The following SLC9B2 variants were observed in gnomAD, a reference collection of about 807,000 sequenced individuals.
SLC9B2 encodes the protein sodium/hydrogen exchanger 9B2.
A neutral mutation model predicts 52.2 loss-of-function variants in SLC9B2; 39 were observed. That is an observed-to-expected ratio of 0.75 (90% confidence interval 0.58 to 0.98). The LOEUF is 0.98. Among genes scored for constraint, SLC9B2 ranks in the 50% least tolerant of loss-of-function variants. The pLI, the probability that SLC9B2 is intolerant of heterozygous loss-of-function variation, is 0.00. For synonymous variants in SLC9B2, 214 were observed against 227.0 expected, an observed-to-expected ratio of 0.94 and a Z score of 0.51; for missense variants, 626 against 637.5, an observed-to-expected ratio of 0.98 and a Z score of 0.19.
chr4:103,020,359 C>A (rs781780808), downstream of SLC9B2: 5 of 446,862 alleles, frequency 1.1e-5, no homozygotes, highest in South Asian at 4.8e-5. Flanking sequence ...CCTTTCAGTC[C>A]CAAAGTTTCC....
At chr4:103,075,585 G>A (rs1051318412) in intron 1 of SLC9B2, among the ~76,000 whole-genome samples, 1 of 152,208 alleles carries the variant, frequency 6.6e-6, no homozygotes, top group Non-Finnish European at 1.5e-5. Flanking sequence ...TGTGGCATGT[G>A]ACTGAAGTCT....
chr4:103,045,853 G>T (rs530656778), intron 7 of SLC9B2, among the ~76,000 whole-genome samples: 1 of 152,032 alleles, frequency 6.6e-6, no homozygotes, highest in Non-Finnish European at 1.5e-5. Flanking sequence ...TTTAAAAATC[G>T]CCCAGGTAAT....
chr4:103,071,127 T>G (rs1746581907), intron 1 of SLC9B2, among the ~76,000 whole-genome samples: 1 of 151,962 alleles, frequency 6.6e-6, no homozygotes, highest in Non-Finnish European at 1.5e-5. Context: ...GGCTGGACTT[T>G]CTTTCTTATT....
chr4:103,070,748 C>T (rs185604670), intron 1 of SLC9B2, among the ~76,000 whole-genome samples: 80 of 152,154 alleles, frequency 5.3e-4, no homozygotes, highest in African/African-American at 1.5e-3. Flanking sequence ...GCCCTTATTT[C>T]GAAAACAATT....
chr4:103,029,029 TA>T, intron 10 of SLC9B2, 146 bp from the exon 11 acceptor site: 2 of 700,488 alleles, frequency 2.9e-6, no homozygotes, highest in Non-Finnish European at 4.4e-6. Context: ...GAAGAATATA[TA>T]AAAACAATCA....
chr4:103,043,368 A>T lies in SLC9B2; in HGVS notation c.1074T>A (p.Gly358=). The change falls in exon 9 of 12, where the codon GGT becomes GGA. Residue 358 remains glycine, a synonymous_variant. Coordinates refer to ENST00000394785, the MANE Select transcript of SLC9B2 (RefSeq NM_178833.7). ...TGCACAGTCCTCCTGATCCAGGGAAACCAAAATGCACACTGCTGAACACAG... is the reference window on the plus strand; with the variant it reads ...TGCACAGTCCTCCTGATCCAGGGAATCCAAAATGCACACTGCTGAACACAG... ...VLAVFSSVHF[G]FPGSGGLCTL... The T allele has an allele frequency of 6.2e-7, 1 of 1,613,898 alleles. No individual in the cohort carries two copies.
intron 9 of SLC9B2, 107 bp from the exon 10 acceptor site, chr4:103,031,915 T>C: frequency 9.2e-7 from 1 of 1,081,894 alleles, no homozygotes; most frequent in Non-Finnish European, 1.4e-6. Flanking sequence ...TAAGCTTTAT[T>C]TCTGTGCCAT....
Position 103,028,734 on chromosome 4 carries a change from C to T in SLC9B2, c.1392+13G>A, listed in dbSNP as rs1051093697. The T allele has an allele frequency of 3.8e-6, 6 of 1,597,948 alleles. No homozygotes were observed. Among genetic ancestry groups the T allele is most frequent in the Non-Finnish European group, 2.6e-6 (3 of 1,174,938 alleles). ...ATAGCAGTTAAAATGCTAAGCCATCCTATCCATCATACCTGAACTGTGGCC... is the reference window on the plus strand; with the variant it reads ...ATAGCAGTTAAAATGCTAAGCCATCTTATCCATCATACCTGAACTGTGGCC... On this transcript the variant is annotated intron_variant, in intron 11 of 11. Transcript: ENST00000394785.
chr4:103,071,799 C>T (rs1228424743), intron 1 of SLC9B2, among the ~76,000 whole-genome samples: 5 of 152,082 alleles, frequency 3.3e-5, no homozygotes, highest in Admixed American at 3.3e-4. Context: ...ATGTGAGCCA[C>T]CCTGCCTGGC....
intron 3 of SLC9B2, among the ~76,000 whole-genome samples, chr4:103,060,457 TATAA>T (rs1264600161): frequency 6.6e-6 from 1 of 151,946 alleles, no homozygotes; most frequent in South Asian, 2.1e-4. Flanking sequence ...TCTTTATATA[TATAA>T]ATGTCTTATA....
chr4:103,069,433 C>T (rs988893676), intron 1 of SLC9B2, among the ~76,000 whole-genome samples: 3 of 152,204 alleles, frequency 2.0e-5, no homozygotes, highest in African/African-American at 7.2e-5. Context: ...TACCAAATTG[C>T]TTAACCTCTT....
At chr4:103,070,127 A>T (rs1174094749) in intron 1 of SLC9B2, among the ~76,000 whole-genome samples, 1 of 152,224 alleles carries the variant, frequency 6.6e-6, no homozygotes, top group Non-Finnish European at 1.5e-5. Context: ...GAGCCCAGTA[A>T]GAGATCTTAC....
chr4:103,072,773 A>C (rs1746779006), intron 1 of SLC9B2, among the ~76,000 whole-genome samples: 1 of 152,154 alleles, frequency 6.6e-6, no homozygotes, highest in East Asian at 1.9e-4. Flanking sequence ...TAAAGGAGTA[A>C]TCTTATGGAG....
chr4:103,028,086 T>A (rs1184472106), intron 11 of SLC9B2, among the ~76,000 whole-genome samples: 1 of 152,200 alleles, frequency 6.6e-6, no homozygotes, highest in Non-Finnish European at 1.5e-5. Context: ...CAATCATAGA[T>A]ATTCTAACAA....
rs772231839 is a variant in SLC9B2, at chr4:103,026,426, C to T, written c.1558G>A (p.Val520Ile). 6.2e-7 allele frequency: 1 copy of T among 1,613,810 alleles called. No individual in the cohort carries two copies. Among genetic ancestry groups the T allele is most frequent in the Non-Finnish European group, 8.5e-7 (1 of 1,179,844 alleles). Residue 520 changes from valine (V) to isoleucine (I), a missense_variant, in exon 12 of 12, where the codon GTT (valine) becomes ATT (isoleucine). Coordinates refer to ENST00000394785, the MANE Select transcript of SLC9B2 (RefSeq NM_178833.7). ...TCTTCATCTTTATTTTGATGTTCAACTTTCTGCAGAAGCCTGGGGCCCAGT... is the reference window on the plus strand; with the variant it reads ...TCTTCATCTTTATTTTGATGTTCAATTTTCTGCAGAAGCCTGGGGCCCAGT... ...GLLGPRLLQK[V>I]EHQNKDEEVQ...
intron 3 of SLC9B2, among the ~76,000 whole-genome samples, chr4:103,062,586 T>C (rs1745761648): frequency 1.3e-5 from 2 of 152,214 alleles, no homozygotes; most frequent in African/African-American, 4.8e-5. Context: ...TTTACGATTA[T>C]GGAAAACCAC....
intron 3 of SLC9B2, among the ~76,000 whole-genome samples, chr4:103,061,632 A>G (rs1273630277): frequency 6.6e-6 from 1 of 152,134 alleles, no homozygotes; most frequent in Non-Finnish European, 1.5e-5. Context: ...GACGTCGTGC[A>G]CATGTACCCT....
intron 1 of SLC9B2, among the ~76,000 whole-genome samples, chr4:103,068,827 AG>A (rs775829668): frequency 6.6e-5 from 10 of 152,194 alleles, no homozygotes; most frequent in Non-Finnish European, 4.4e-5. Flanking sequence ...AATGGGTTCC[AG>A]GCACTATGCT....
At chr4:103,044,027 T>G (rs1344490403) in intron 8 of SLC9B2, among the ~76,000 whole-genome samples, 1 of 152,164 alleles carries the variant, frequency 6.6e-6, no homozygotes, top group African/African-American at 2.4e-5. Context: ...TTGTGTACTT[T>G]TTTTCCCTTT....
Sources: gnomAD v4.1 joint callset for allele counts (sites outside exome capture counted in the v4.1 genomes callset) on GRCh38, gnomAD v4.1.1 for gene constraint, MANE v1.5 for transcripts, NCBI Gene and HGNC (gene_info 2026-07-23, HGNC 2026-07-21) for gene names.